The following TBC1D22A variants were observed in gnomAD, a reference collection of about 807,000 sequenced individuals.
TBC1D22A encodes TBC1 domain family member 22A.
A neutral mutation model predicts 60.2 loss-of-function variants in TBC1D22A; 38 were observed. The observed-to-expected ratio is 0.63, with a 90% CI of 0.49 to 0.83. The LOEUF (loss-of-function observed/expected upper bound fraction) is 0.83, where lower values mean the gene tolerates loss of function less well. TBC1D22A is among the 40% of genes least tolerant of loss of function. The probability of loss-of-function intolerance (pLI) is 0.00; values close to 1 mark genes in which losing one functional copy is unlikely to be tolerated. For synonymous variants in TBC1D22A, 302 were observed against 281.7 expected, an observed-to-expected ratio of 1.07 and a Z score of -0.72; for missense variants, 628 against 701.0, an observed-to-expected ratio of 0.90 and a Z score of 1.18.
intron 11 of TBC1D22A, among the ~76,000 whole-genome samples, chr22:47,067,779 C>A (rs920662269): frequency 6.6e-6 from 1 of 152,250 alleles, no homozygotes; most frequent in South Asian, 2.1e-4. Flanking sequence ...CACACACTTG[C>A]GCTTGCATAC....
intron 12 of TBC1D22A, among the ~76,000 whole-genome samples, chr22:47,149,300 G>A (rs915477464): frequency 5.3e-5 from 8 of 152,236 alleles, no homozygotes; most frequent in African/African-American, 1.2e-4. Context: ...CATCTGCTCC[G>A]TGGCATCCTG....
chr22:47,062,902 C>T (rs936374911), intron 11 of TBC1D22A, among the ~76,000 whole-genome samples: 11 of 137,474 alleles, frequency 8.0e-5, no homozygotes, highest in Admixed American at 2.3e-4. Flanking sequence ...CACTCCACAG[C>T]CCCCCAGGCC....
At chr22:46,905,318 C>G (rs2147731902) in intron 7 of TBC1D22A, among the ~76,000 whole-genome samples, 1 of 152,340 alleles carries the variant, frequency 6.6e-6, no homozygotes, top group South Asian at 2.1e-4. Flanking sequence ...GAAGCCTGGG[C>G]CTGGAGGAGG....
chr22:46,999,340 T>A (rs992017325), intron 10 of TBC1D22A, among the ~76,000 whole-genome samples: 2 of 152,200 alleles, frequency 1.3e-5, no homozygotes, highest in Non-Finnish European at 2.9e-5. Flanking sequence ...GCCATTTTCA[T>A]ATGGCAATTT....
chr22:46,821,687 C>T (rs2085838263), intron 4 of TBC1D22A, among the ~76,000 whole-genome samples: 1 of 152,070 alleles, frequency 6.6e-6, no homozygotes, highest in South Asian at 2.1e-4. Context: ...TCATTTTGAC[C>T]TTGGAGAATT....
chr22:46,913,242 T>G, intron 8 of TBC1D22A: 1 of 917,574 alleles, frequency 1.1e-6, no homozygotes, highest in Non-Finnish European at 1.5e-6. Flanking sequence ...CTTTACTGTT[T>G]AGTCACAGCA....
intron 7 of TBC1D22A, among the ~76,000 whole-genome samples, chr22:46,907,505 C>T (rs1369023740): frequency 6.6e-6 from 1 of 152,238 alleles, no homozygotes; most frequent in Admixed American, 6.5e-5. Flanking sequence ...AGCCCAGGTC[C>T]TGCCAATGGC....
chr22:46,926,892 A>G (rs968388584), intron 8 of TBC1D22A, among the ~76,000 whole-genome samples: 1 of 152,220 alleles, frequency 6.6e-6, no homozygotes, highest in Admixed American at 6.5e-5. Context: ...ACAATGAACT[A>G]ATTTTCATCA....
At chr22:47,015,254 C>A (rs1007156940) in intron 10 of TBC1D22A, among the ~76,000 whole-genome samples, 1 of 152,180 alleles carries the variant, frequency 6.6e-6, no homozygotes, top group Non-Finnish European at 1.5e-5. Flanking sequence ...CGGTTCCTGG[C>A]GCAGGTGCCT....
At chr22:47,114,781 T>C (rs948401672) in intron 12 of TBC1D22A, among the ~76,000 whole-genome samples, 1 of 152,106 alleles carries the variant, frequency 6.6e-6, no homozygotes, top group Admixed American at 6.6e-5. Context: ...CCTTTTCTGA[T>C]TCCCAGAAGA....
chr22:47,118,472 A>G (rs892894833), intron 12 of TBC1D22A, among the ~76,000 whole-genome samples: 3 of 152,258 alleles, frequency 2.0e-5, no homozygotes, highest in African/African-American at 7.2e-5. Context: ...AAGCACAAGG[A>G]ATGTGCCAGT....
At chr22:47,118,050 G>A (rs1179262870) in intron 12 of TBC1D22A, among the ~76,000 whole-genome samples, 1 of 152,128 alleles carries the variant, frequency 6.6e-6, no homozygotes, top group Non-Finnish European at 1.5e-5. Context: ...TTGAACCTGG[G>A]AGGCTGAGGT....
intron 11 of TBC1D22A, among the ~76,000 whole-genome samples, chr22:47,087,369 G>A (rs1254811511): frequency 2.0e-5 from 3 of 152,154 alleles, no homozygotes; most frequent in African/African-American, 7.2e-5. Flanking sequence ...TAATTATAAA[G>A]CCAAACTAAG....
At chr22:46,770,056 C>T (rs555240699) in intron 1 of TBC1D22A, among the ~76,000 whole-genome samples, 1 of 152,262 alleles carries the variant, frequency 6.6e-6, no homozygotes, top group Non-Finnish European at 1.5e-5. Flanking sequence ...GAATTAAGGT[C>T]GCTAATCAGC....
intron 10 of TBC1D22A, among the ~76,000 whole-genome samples, chr22:47,005,684 A>G (rs2061565916): frequency 6.6e-6 from 1 of 151,056 alleles, no homozygotes; most frequent in Non-Finnish European, 1.5e-5. Context: ...ATATACACAT[A>G]CACACCTACA....
intron 4 of TBC1D22A, among the ~76,000 whole-genome samples, chr22:46,828,099 G>C (rs975625004): frequency 1.3e-5 from 2 of 152,192 alleles, no homozygotes; most frequent in African/African-American, 4.8e-5. Context: ...TTGAGGCCAG[G>C]GGGCTGCTCC....
intron 11 of TBC1D22A, among the ~76,000 whole-genome samples, chr22:47,076,311 A>T (rs912534339): frequency 3.4e-5 from 5 of 146,818 alleles, no homozygotes; most frequent in African/African-American, 1.3e-4. Context: ...ATTGGGACTG[A>T]TGTATATATA....
rs552612218 is a variant in TBC1D22A, at chr22:47,158,479, C to G, written c.1426-15019C>G. Among the ~76,000 whole-genome samples the G allele has an allele frequency of 3.3e-4, 51 of 152,248 alleles. 1 individual carries two copies. Among genetic ancestry groups the G allele is most frequent in the Admixed American group, 2.5e-3 (38 of 15,308 alleles). ...CCTGGGTAGGGGGCAGTTCCCCCCCCAATCTGAAAAGCCCTGGGATACCCA... is the reference window on the plus strand; with the variant it reads ...CCTGGGTAGGGGGCAGTTCCCCCCCGAATCTGAAAAGCCCTGGGATACCCA... On this transcript the variant is annotated intron_variant, in intron 12 of 12. Transcript: ENST00000337137.
At chr22:46,896,487 G>T (rs2068683977) in intron 7 of TBC1D22A, among the ~76,000 whole-genome samples, 1 of 152,136 alleles carries the variant, frequency 6.6e-6, no homozygotes, top group East Asian at 1.9e-4. Context: ...ACGCCTCTGT[G>T]TTCAGTTCAT....
Sources: allele counts gnomAD v4.1 joint callset (sites outside exome capture counted in the v4.1 genomes callset), GRCh38; gene constraint gnomAD v4.1.1; transcripts MANE v1.5; gene names NCBI Gene and HGNC (gene_info 2026-07-23, HGNC 2026-07-21).